Variants in STARD3NL observed in about 807,000 individuals in gnomAD.
The protein encoded by STARD3NL is STARD3 N-terminal-like protein.
Under a neutral mutation model 30.9 loss-of-function variants are expected in STARD3NL, and 17 were observed. The observed-to-expected ratio is 0.55, with a 90% CI of 0.38 to 0.82. The LOEUF is 0.82. Among genes scored for constraint, STARD3NL ranks in the 40% least tolerant of loss-of-function variants. The probability of loss-of-function intolerance (pLI) is 0.00; values close to 1 mark genes in which losing one functional copy is unlikely to be tolerated. For missense variants in STARD3NL, 234 were observed against 277.6 expected (o/e 0.84, Z 1.12); for synonymous variants, 112 against 100.5 (o/e 1.11, Z -0.69).
At chr7:38,200,613 C>T (rs1392550659) in intron 1 of STARD3NL, among the ~76,000 whole-genome samples, 2 of 152,174 alleles carry the variant, frequency 1.3e-5, no homozygotes, top group African/African-American at 4.8e-5. Context: ...GAGTTTCCTA[C>T]AGAGCATAAA....
chr7:38,187,149 T>C (rs114867671), intron 1 of STARD3NL, among the ~76,000 whole-genome samples: 1,883 of 152,298 alleles, frequency 0.012, 50 homozygotes, highest in African/African-American at 0.044. Context: ...ACTCAGCCCA[T>C]GCTAGTGAAA....
At chr7:38,197,516 T>A (rs373496722) in intron 1 of STARD3NL, among the ~76,000 whole-genome samples, 14 of 152,314 alleles carry the variant, frequency 9.2e-5, no homozygotes, top group East Asian at 7.7e-4. Context: ...TGTTTCTTTT[T>A]TTAAGAATAG....
intron 7 of STARD3NL, among the ~76,000 whole-genome samples, chr7:38,225,454 G>T (rs1786704527): frequency 6.6e-6 from 1 of 152,032 alleles, no homozygotes; most frequent in African/African-American, 2.4e-5. Flanking sequence ...CTTCTAAAAG[G>T]TTTTTTAGTT....
chr7:38,223,923 T>C (rs923644983), intron 7 of STARD3NL, among the ~76,000 whole-genome samples: 1 of 152,204 alleles, frequency 6.6e-6, no homozygotes, highest in Admixed American at 6.5e-5. Flanking sequence ...GAAGTTTCAT[T>C]ACTTGAAAAA....
intron 7 of STARD3NL, among the ~76,000 whole-genome samples, chr7:38,223,595 G>A (rs1786590258): frequency 6.6e-6 from 1 of 152,118 alleles, no homozygotes; most frequent in Admixed American, 6.6e-5. Flanking sequence ...GCCTGCAGCA[G>A]CCTTGCCTTC....
intron 1 of STARD3NL, among the ~76,000 whole-genome samples, chr7:38,196,719 T>C (rs1287309722): frequency 6.6e-6 from 1 of 152,214 alleles, no homozygotes; most frequent in African/African-American, 2.4e-5. Flanking sequence ...TCACATAATA[T>C]TTTGAGATGA....
rs58332866 is a variant in STARD3NL, at chr7:38,193,282, TTTG to T, written c.-58-14138_-58-14136del. ...TCTGTCCTCCTATTAGGATTAGTTT[TTTG>T]TTGTTGTTGTTGTTGTTGTTGTTGT... On this transcript the variant is annotated intron_variant, in intron 1 of 8. Coordinates refer to ENST00000009041, the MANE Select transcript of STARD3NL (RefSeq NM_032016.4). 6.2e-3 allele frequency among the ~76,000 whole-genome samples: 927 copies of T among 150,516 alleles called. 2 individuals carry two copies. The highest frequency in any genetic ancestry group is 0.013 in the East Asian group (67 of 5,096).
At chr7:38,206,610 A>T (rs137953344) in intron 1 of STARD3NL, among the ~76,000 whole-genome samples, 1 of 152,332 alleles carries the variant, frequency 6.6e-6, no homozygotes, top group African/African-American at 2.4e-5. Flanking sequence ...GGTGGTTTGC[A>T]TAGTGCTAAA....
chr7:38,203,865 A>T (rs1785308990), intron 1 of STARD3NL, among the ~76,000 whole-genome samples: 1 of 152,222 alleles, frequency 6.6e-6, no homozygotes. Context: ...ACCAAGAAAG[A>T]TCAAAAGAGA....
chr7:38,188,072 C>T (rs1195822418), intron 1 of STARD3NL, among the ~76,000 whole-genome samples: 1 of 152,190 alleles, frequency 6.6e-6, no homozygotes, highest in Non-Finnish European at 1.5e-5. Context: ...ACTGGTTTCC[C>T]CACTTCTTTG....
chr7:38,228,940 A>G, intron 8 of STARD3NL, 69 bp downstream of exon 8: 1 of 1,132,418 alleles, frequency 8.8e-7, no homozygotes, highest in South Asian at 1.4e-5. Flanking sequence ...AGTAGAGTCA[A>G]AGTAGAATTC....
intron 2 of STARD3NL, among the ~76,000 whole-genome samples, chr7:38,208,329 C>T (rs527956291): frequency 1.4e-4 from 22 of 152,204 alleles, no homozygotes; most frequent in East Asian, 9.6e-4. Flanking sequence ...TATATTTCAT[C>T]GGAAAAGTTG....
intron 1 of STARD3NL, among the ~76,000 whole-genome samples, chr7:38,197,521 G>T (rs1464942079): frequency 6.6e-6 from 1 of 152,094 alleles, no homozygotes; most frequent in African/African-American, 2.4e-5. Context: ...CTTTTTTTAA[G>T]AATAGCTTAT....
chr7:38,219,603 C>G lies in STARD3NL; in HGVS notation c.592C>G (p.Leu198Val). 1.9e-6 allele frequency: 3 copies of G among 1,613,140 alleles called. No individual in the cohort carries two copies. Among genetic ancestry groups the G allele is most frequent in the South Asian group, 1.1e-5 (1 of 91,040 alleles). The change falls in exon 7 of 9, where the codon CTT (leucine) becomes GTT (valine). Residue 198 changes from leucine (L) to valine (V), a missense_variant. By Grantham distance (32) the Leu-to-Val change is conservative. Transcript: ENST00000009041. ...IVQDASERAA[L>V]IPGGLSDGQF... ...TCAGGATGCTTCAGAGAGGGCAGCA[C>G]TTATACCTGGTGGTCTTTCTGATGG... is the stretch of plus-strand genomic sequence containing the variant.
chr7:38,184,685 A>G (rs975997845), intron 1 of STARD3NL, among the ~76,000 whole-genome samples: 2 of 146,758 alleles, frequency 1.4e-5, no homozygotes, highest in South Asian at 4.2e-4. Context: ...TATATATAAT[A>G]TATAACCCAT....
intron 1 of STARD3NL, among the ~76,000 whole-genome samples, chr7:38,188,870 C>T (rs763978221): frequency 7.2e-5 from 11 of 152,100 alleles, no homozygotes; most frequent in East Asian, 3.8e-4. Context: ...AAAAAACAGT[C>T]GGAGTTCGGG....
Position 38,215,048 on chromosome 7 carries a change from T to C in STARD3NL, c.324T>C (p.Phe108=), listed in dbSNP as rs1364218360. Residue 108 remains phenylalanine, a synonymous_variant, in exon 4 of 9, where the codon TTT becomes TTC. Coordinates refer to ENST00000009041, the MANE Select transcript of STARD3NL (RefSeq NM_032016.4). The stretch of plus-strand genomic sequence containing the variant: ...TTCAGCTTCTGGCAGTTTTTCGATT[T>C]AAAGTGTTAATACTTGCATATGCTG... ...FDIFLLAVFR[F]KVLILAYAVC... The C allele has an allele frequency of 6.2e-7, 1 of 1,613,900 alleles. No homozygotes were observed. The highest frequency in any genetic ancestry group is 8.5e-7 in the Non-Finnish European group (1 of 1,179,934).
chr7:38,198,752 C>T (rs1785040487), intron 1 of STARD3NL, among the ~76,000 whole-genome samples: 1 of 152,102 alleles, frequency 6.6e-6, no homozygotes, highest in African/African-American at 2.4e-5. Context: ...TGTGGGGCTC[C>T]TGTAAAATGC....
chr7:38,207,420 A>G (rs185491625), intron 1 of STARD3NL, 27 bp from the exon 2 acceptor site: 5 of 1,111,068 alleles, frequency 4.5e-6, no homozygotes, highest in Non-Finnish European at 6.4e-6. Context: ...TGGATTTAAC[A>G]TGGTGTCTCT....
Sources: gnomAD v4.1 joint callset for allele counts (sites outside exome capture counted in the v4.1 genomes callset) on GRCh38, gnomAD v4.1.1 for gene constraint, MANE v1.5 for transcripts, NCBI Gene and HGNC (gene_info 2026-07-23, HGNC 2026-07-21) for gene names.